The following GRM7 variants were observed in gnomAD, a reference collection of about 807,000 sequenced individuals.
The protein encoded by GRM7 is metabotropic glutamate receptor 7.
GRM7 carries 35 observed loss-of-function variants against 84.5 expected under a neutral mutation model. The observed-to-expected ratio is 0.41, with a 90% CI of 0.32 to 0.55. The LOEUF is 0.55. Among genes scored for constraint, GRM7 ranks in the 20% least tolerant of loss-of-function variants. The pLI is 0.19. For synonymous variants in GRM7, 487 were observed against 455.1 expected (o/e 1.07, Z -0.89); for missense variants, 1,003 against 1,194.6 (o/e 0.84, Z 2.36).
At chr3:7,049,266 G>C (rs1270988481) in intron 1 of GRM7, among the ~76,000 whole-genome samples, 1 of 151,916 alleles carries the variant, frequency 6.6e-6, no homozygotes, top group Non-Finnish European at 1.5e-5. Context: ...GCGCAATTTA[G>C]AAACAAAAGA....
At chr3:7,497,207 T>A (rs1420469160) in intron 7 of GRM7, among the ~76,000 whole-genome samples, 3 of 152,058 alleles carry the variant, frequency 2.0e-5, no homozygotes, top group African/African-American at 7.2e-5. Flanking sequence ...GATAGGGATA[T>A]GAGCTACTTT....
chr3:7,366,026 T>TC (rs1419275381), intron 4 of GRM7, among the ~76,000 whole-genome samples: 4 of 151,720 alleles, frequency 2.6e-5, no homozygotes, highest in Non-Finnish European at 4.4e-5. Flanking sequence ...CCATGTATGG[T>TC]CCATTTTTCC....
At chr3:7,546,238 C>T (rs1364142085) in intron 7 of GRM7, among the ~76,000 whole-genome samples, 2 of 152,168 alleles carry the variant, frequency 1.3e-5, no homozygotes, top group Non-Finnish European at 2.9e-5. Context: ...AGTCAATGCT[C>T]CTAGAGTCAC....
intron 5 of GRM7, among the ~76,000 whole-genome samples, chr3:7,446,763 AT>A (rs914612373): frequency 2.6e-5 from 4 of 151,380 alleles, no homozygotes; most frequent in East Asian, 1.9e-4. Flanking sequence ...CCCGGCCAGG[AT>A]TTTTTTTTAT....
chr3:7,321,740 T>C (rs1246682803), intron 4 of GRM7, among the ~76,000 whole-genome samples: 2 of 151,386 alleles, frequency 1.3e-5, no homozygotes, highest in African/African-American at 4.8e-5. Context: ...CATTAAAATT[T>C]CTGTCTGATG....
chr3:7,591,016 A>G lies in GRM7; in HGVS notation c.2451+11659A>G, dbSNP rs539832149. Among the ~76,000 whole-genome samples, 5 of 152,332 alleles carry G rather than the reference A, an allele frequency of 3.3e-5. No individual in the cohort carries two copies. In the East Asian group the frequency reaches 9.6e-4, roughly 29 times the overall value. On this transcript the variant is annotated intron_variant, in intron 8 of 9. Coordinates refer to ENST00000357716, the MANE Select transcript of GRM7 (RefSeq NM_000844.4). ...TAAATCCCTGTGGATTGGATGGAAGAATGAAAGAAGGAATGAATGAATCTG... is the reference window on the plus strand; with the variant it reads ...TAAATCCCTGTGGATTGGATGGAAGGATGAAAGAAGGAATGAATGAATCTG...
intron 1 of GRM7, among the ~76,000 whole-genome samples, chr3:6,903,893 C>T (rs1696479306): frequency 6.6e-6 from 1 of 152,156 alleles, no homozygotes; most frequent in Admixed American, 6.5e-5. Flanking sequence ...TCTTCATATA[C>T]AATATTGCCA....
chr3:7,461,536 G>A (rs761416009), intron 6 of GRM7, 47 bp from the exon 7 acceptor site: 3 of 1,496,840 alleles, frequency 2.0e-6, no homozygotes, highest in East Asian at 2.3e-5. Context: ...GAGATATAAG[G>A]AATCTTGTTT....
chr3:7,192,409 G>C (rs902407649), intron 2 of GRM7, among the ~76,000 whole-genome samples: 1 of 152,094 alleles, frequency 6.6e-6, no homozygotes, highest in Non-Finnish European at 1.5e-5. Flanking sequence ...TTTTATCCCT[G>C]AACCAACTTC....
At position 7,544,504 on chromosome 3, in the gene GRM7, C is replaced by T. The variant is rs139158688; in HGVS notation, c.1516-33918C>T. 2.5e-4 allele frequency among the ~76,000 whole-genome samples: 38 copies of T among 152,294 alleles called. No individual in the cohort carries two copies. The East Asian group carries it at 6.8e-3, about 27-fold the overall frequency. Reference sequence around the variant, plus strand: ...TGAAGTCAGATTTGCCTCTGACTTACTGGATGGGAGATCCTGGGTAGTTCC... The same window carrying T: ...TGAAGTCAGATTTGCCTCTGACTTATTGGATGGGAGATCCTGGGTAGTTCC... On this transcript the variant is annotated intron_variant, in intron 7 of 9. Transcript: ENST00000357716.
intron 8 of GRM7, among the ~76,000 whole-genome samples, chr3:7,597,444 A>G (rs532008522): frequency 6.6e-6 from 1 of 152,294 alleles, no homozygotes; most frequent in South Asian, 2.1e-4. Flanking sequence ...TGTGGAAGCC[A>G]TTCTTAGCTT....
At chr3:7,422,351 ATTTTAT>A (rs1166034476) in intron 5 of GRM7, among the ~76,000 whole-genome samples, 1 of 152,178 alleles carries the variant, frequency 6.6e-6, no homozygotes, top group African/African-American at 2.4e-5. Context: ...TGACGGACAT[ATTTTAT>A]TTTCTGACTA....
At chr3:7,665,285 C>T (rs993882069) in intron 8 of GRM7, among the ~76,000 whole-genome samples, 5 of 151,640 alleles carry the variant, frequency 3.3e-5, no homozygotes, top group Admixed American at 3.3e-4. Flanking sequence ...CATTCTCCTG[C>T]CTCAGCCTCC....
chr3:7,169,422 A>G (rs1694911276), intron 2 of GRM7, among the ~76,000 whole-genome samples: 1 of 152,140 alleles, frequency 6.6e-6, no homozygotes, highest in Non-Finnish European at 1.5e-5. Context: ...TCTAATCTTC[A>G]ATTCAGAGGT....
At chr3:6,933,735 T>C (rs1444900871) in intron 1 of GRM7, among the ~76,000 whole-genome samples, 1 of 139,214 alleles carries the variant, frequency 7.2e-6, no homozygotes. Context: ...GAAAAGAAAA[T>C]TAAAAAAAAA....
At chr3:7,465,971 A>G (rs1698445887) in intron 7 of GRM7, among the ~76,000 whole-genome samples, 1 of 152,144 alleles carries the variant, frequency 6.6e-6, no homozygotes, top group Non-Finnish European at 1.5e-5. Context: ...CTGCATGGTT[A>G]GCTACCAGGA....
At chr3:7,367,305 T>C (rs1027666109) in intron 4 of GRM7, among the ~76,000 whole-genome samples, 3 of 151,890 alleles carry the variant, frequency 2.0e-5, no homozygotes, top group African/African-American at 7.2e-5. Context: ...CCAGTGATTT[T>C]TTTTTGCCTT....
chr3:7,373,855 T>A (rs1344474824), intron 4 of GRM7, among the ~76,000 whole-genome samples: 1 of 152,254 alleles, frequency 6.6e-6, no homozygotes, highest in African/African-American at 2.4e-5. Context: ...CAGCCATGTG[T>A]AGCTATCAAA....
chr3:7,683,978 A>T (rs1700479313), intron 9 of GRM7, among the ~76,000 whole-genome samples: 1 of 151,744 alleles, frequency 6.6e-6, no homozygotes. Context: ...ACAAACATAC[A>T]AATAGTCATT....
Sources: gnomAD v4.1 joint callset for allele counts (sites outside exome capture counted in the v4.1 genomes callset) on GRCh38, gnomAD v4.1.1 for gene constraint, MANE v1.5 for transcripts, NCBI Gene and HGNC (gene_info 2026-07-23, HGNC 2026-07-21) for gene names.